Variants in SST observed in about 807,000 individuals in gnomAD.
The protein encoded by SST is growth hormone release-inhibiting factor.
Under a neutral mutation model 10.4 loss-of-function variants are expected in SST, and 7 were observed. That is an observed-to-expected ratio of 0.67 (90% CI 0.38 to 1.26). SST has a LOEUF of 1.26. Ranked by LOEUF, SST falls within the 50% of genes most tolerant of loss-of-function variation. The pLI is 0.02. For missense variants in SST, 145 were observed against 140.8 expected (o/e 1.03, Z -0.15); for synonymous variants, 63 against 63.9 (o/e 0.99, Z 0.07).
In SST at chr3:187,669,241, C is replaced by T. The variant is rs1158174810; in HGVS notation, c.175G>A (p.Glu59Lys). ...GCATCATTCTCCGTCTGGTTGGGTT[C>T]AGACAGCAGCTCTGCCAAGAAGTAC... ...AKYFLAELLS[E>K]PNQTENDALE... The change falls in exon 2 of 2, where the codon GAA becomes AAA. Residue 59 changes from glutamate to lysine, a missense_variant. Physicochemically the swap from Glu to Lys is moderately conservative, Grantham distance 56 (BLOSUM62 1). Coordinates refer to ENST00000287641, the MANE Select transcript of SST (RefSeq NM_001048.4). The T allele has an allele frequency of 6.2e-7, 1 of 1,613,618 alleles. No individual in the cohort carries two copies. Among genetic ancestry groups the T allele is most frequent in the Admixed American group, 1.7e-5 (1 of 59,964 alleles).
At position 187,669,270 on chromosome 3, in the gene SST, G is replaced by A. The variant is rs764814996; in HGVS notation, c.146C>T (p.Ala49Val). 1.9e-6 allele frequency: 3 copies of A among 1,613,594 alleles called. No individual in the cohort carries two copies. The highest frequency in any genetic ancestry group is 2.5e-6 in the Non-Finnish European group (3 of 1,179,988). Residue 49 changes from alanine to valine, a missense_variant, in exon 2 of 2, where the codon GCC becomes GTC. By Grantham distance (64) the Ala-to-Val change is moderately conservative. Coordinates refer to ENST00000287641, the MANE Select transcript of SST (RefSeq NM_001048.4). ...CAGCAGCTCTGCCAAGAAGTACTTG[G>A]CCAGTTCCTGTATAGGGCAGAAGGG... ...LAAAAGKQEL[A>V]KYFLAELLSE...
chr3:187,669,551 C>CAT (rs1298794267), intron 1 of SST, among the ~76,000 whole-genome samples: 13 of 132,016 alleles, frequency 9.8e-5, no homozygotes, highest in Admixed American at 6.7e-4. Flanking sequence ...CACACACACA[C>CAT]ACGCACAAAC....
chr3:187,670,031 G>A (rs1380008334), intron 1 of SST, 123 bp downstream of exon 1: 1 of 1,063,076 alleles, frequency 9.4e-7, no homozygotes, highest in Non-Finnish European at 1.3e-6. Context: ...GGAGCTGAGG[G>A]ACCCAGAAAA....
At chr3:187,669,344 A>G in intron 1 of SST, 67 bp from the exon 2 acceptor site, 3 of 1,484,362 alleles carry the variant, frequency 2.0e-6, no homozygotes, top group Non-Finnish European at 2.8e-6. Context: ...AAAAAATTTG[A>G]AAAGCCTAAA....
chr3:187,669,570 A>G (rs1270723537), intron 1 of SST, among the ~76,000 whole-genome samples: 1 of 151,528 alleles, frequency 6.6e-6, no homozygotes, highest in African/African-American at 2.4e-5. Context: ...ACACACACAC[A>G]CACACACACA....
chr3:187,670,342 C>T lies in SST; in HGVS notation c.-51G>A, dbSNP rs1717210786. The T allele has an allele frequency of 1.3e-6, 2 of 1,534,972 alleles. No homozygotes were observed. Among genetic ancestry groups the T allele is most frequent in the Non-Finnish European group, 1.8e-6 (2 of 1,137,930 alleles). On this transcript the variant is annotated 5_prime_UTR_variant, in exon 1 of 2. Transcript: ENST00000287641. ...AGAGTGGCTGGTCAAACTCTAGGCG[C>T]GGATCAGCAGGCAGCAGCGATGGCT...
chr3:187,669,529 A>AACACACAC lies in SST; in HGVS notation c.139-260_139-253dup, dbSNP rs57361717. ...GCAACCTTTCTGTCCCTGTAGACTT[A>AACACACAC]ACACACACACACACACACACACACG... On this transcript the variant is annotated intron_variant, in intron 1 of 1. Coordinates refer to ENST00000287641, the MANE Select transcript of SST (RefSeq NM_001048.4). Among the ~76,000 whole-genome samples the AACACACAC allele has an allele frequency of 1.6e-3, 231 of 147,340 alleles. 2 individuals are homozygous for AACACACAC. The highest frequency in any genetic ancestry group is 6.5e-3 in the South Asian group (30 of 4,612).
intron 1 of SST, 76 bp downstream of exon 1, chr3:187,670,078 C>G (rs1717200718): frequency 6.8e-7 from 1 of 1,475,612 alleles, no homozygotes; most frequent in South Asian, 1.3e-5. Context: ...GCATCCCTTA[C>G]GTCCAAACCA....
In SST at chr3:187,668,994, A is replaced by G. The variant is rs1717173132; in HGVS notation, c.*71T>C. 1.4e-6 allele frequency: 2 copies of G among 1,410,636 alleles called. No homozygotes were observed. The highest frequency in any genetic ancestry group is 1.7e-5 in the Admixed American group (1 of 59,392). The allele number at this position is 1,410,636 out of a possible 1,614,324, so 87.4% of individuals were successfully genotyped here. On this transcript the variant is annotated 3_prime_UTR_variant, in exon 2 of 2. Coordinates refer to ENST00000287641, the MANE Select transcript of SST (RefSeq NM_001048.4). The stretch of plus-strand genomic sequence containing the variant: ...AAGGGTCTCGCTGAAGACTTGGAGG[A>G]TTAGGGAAGAGAGATGGGGTGTGGG...
intron 1 of SST, 66 bp from the exon 2 acceptor site, chr3:187,669,343 GA>G: frequency 6.7e-7 from 1 of 1,490,064 alleles, no homozygotes; most frequent in Non-Finnish European, 9.2e-7. Context: ...GAAAAAATTT[GA>G]AAAGCCTAAA....
At chr3:187,669,734 G>C (rs371618606) in intron 1 of SST, among the ~76,000 whole-genome samples, 5 of 152,126 alleles carry the variant, frequency 3.3e-5, no homozygotes. Context: ...TACGGCGTTC[G>C]GTCTTTAGAT....
chr3:187,669,501 T>C (rs1717185160), intron 1 of SST, among the ~76,000 whole-genome samples: 1 of 151,798 alleles, frequency 6.6e-6, no homozygotes, highest in African/African-American at 2.4e-5. Context: ...CTCAAATGTT[T>C]CTGCAACCTT....
rs763562448 is a variant in SST at position 187,669,028 on chromosome 3, A to T, written c.*37T>A. On this transcript the variant is annotated 3_prime_UTR_variant, in exon 2 of 2. Coordinates refer to ENST00000287641, the MANE Select transcript of SST (RefSeq NM_001048.4). ...GAGAGATGGGGTGTGGGGGCGAGGG[A>T]TCAGAGGTCTGATATGGACAATACT... 6.2e-7 allele frequency: 1 copy of T among 1,602,936 alleles called. No individual in the cohort carries two copies. The highest frequency in any genetic ancestry group is 8.5e-7 in the Non-Finnish European group (1 of 1,170,148).
rs763961867 is a variant in SST at position 187,670,278 on chromosome 3, C to T, written c.14G>A (p.Arg5His). ...CAGCGCAGCCAGCGCGCACTGGAGG[C>T]GGCAGGACAGCATCTCGGCGCCGCG... MLSC[R>H]LQCALAALSI... The change falls in exon 1 of 2, where the codon CGC becomes CAC. Residue 5 changes from arginine to histidine, a missense_variant. Physicochemically the swap from Arg to His is conservative, Grantham distance 29 (BLOSUM62 0). Transcript: ENST00000287641. 2 of 1,588,078 alleles carry T rather than the reference C, an allele frequency of 1.3e-6. No homozygotes were observed. The highest frequency in any genetic ancestry group is 8.6e-7 in the Non-Finnish European group (1 of 1,167,136).
chr3:187,669,180 T>G lies in SST; in HGVS notation c.236A>C (p.Gln79Pro). 2 of 1,614,072 alleles carry G rather than the reference T, an allele frequency of 1.2e-6. No individual in the cohort carries two copies. The highest frequency in any genetic ancestry group is 8.5e-7 in the Non-Finnish European group (1 of 1,180,020). Reference sequence around the variant, plus strand: ...CTGCAGCTCAAGCCTCATTTCATCCTGCTCAGCAGCCTGGGACAGATCTTC... The same window carrying G: ...CTGCAGCTCAAGCCTCATTTCATCCGGCTCAGCAGCCTGGGACAGATCTTC... ...EPEDLSQAAE[Q>P]DEMRLELQRS... is the part of the protein sequence containing the mutation. The change falls in exon 2 of 2, where the codon CAG (glutamine) becomes CCG (proline). Residue 79 changes from glutamine (Q) to proline (P), a missense_variant. By Grantham distance (76) the Gln-to-Pro change is moderately conservative. Coordinates refer to ENST00000287641, the MANE Select transcript of SST (RefSeq NM_001048.4).
chr3:187,669,792 G>A (rs550665201), intron 1 of SST, among the ~76,000 whole-genome samples: 2 of 152,186 alleles, frequency 1.3e-5, no homozygotes, highest in Non-Finnish European at 2.9e-5. Context: ...TACGCTAAGA[G>A]GTAGCAGCTT....
Position 187,669,356 on chromosome 3 carries a change from T to A in SST, c.139-79A>T. ...TGGAAAAAATTTGAAAAGCCTAAAT[T>A]AAAGAACAGATTTGGTCACACACAA... On this transcript the variant is annotated intron_variant, in intron 1 of 1. Coordinates refer to ENST00000287641, the MANE Select transcript of SST (RefSeq NM_001048.4). 2 of 1,393,010 alleles carry A rather than the reference T, an allele frequency of 1.4e-6. No homozygotes were observed. Among genetic ancestry groups the A allele is most frequent in the Non-Finnish European group, 2.0e-6 (2 of 1,001,426 alleles). The allele number at this position is 1,393,010 out of a possible 1,614,324, so 86.3% of individuals were successfully genotyped here. A position where few individuals can be genotyped will look rare whatever the true frequency, so the allele number is the denominator to read the frequency against.
chr3:187,668,960 TTCTAATGCAAGGGTCTCGCTGAAGAC>T lies in SST; in HGVS notation c.*79_*104del. ...TTATTTTGTATTTACAGTTTTCAGTTTCTAATGCAAGGGTCTCGCTGAAGACTTGGAGGATTAGGGAAGAGAGATGG... is the reference window on the plus strand; with the variant it reads ...TTATTTTGTATTTACAGTTTTCAGTTTTGGAGGATTAGGGAAGAGAGATGG... On this transcript the variant is annotated 3_prime_UTR_variant, in exon 2 of 2. Transcript: ENST00000287641. The T allele has an allele frequency of 9.6e-7, 1 of 1,038,722 alleles. No individual in the cohort carries two copies. Among genetic ancestry groups the T allele is most frequent in the East Asian group, 2.4e-5 (1 of 41,740 alleles). 64.3% of individuals were successfully genotyped at this position (1,038,722 alleles called of 1,614,324 possible).
Position 187,670,308 on chromosome 3 carries a change from C to T in SST, c.-17G>A, listed in dbSNP as rs778070296. 2.5e-6 allele frequency: 4 copies of T among 1,568,912 alleles called. No individual in the cohort carries two copies. Among genetic ancestry groups the T allele is most frequent in the Admixed American group, 1.9e-5 (1 of 53,600 alleles). On this transcript the variant is annotated 5_prime_UTR_variant, in exon 1 of 2. Coordinates refer to ENST00000287641, the MANE Select transcript of SST (RefSeq NM_001048.4). ...GGACAGCATCTCGGCGCCGCGAAAG[C>T]CGAGCTGGAGAGTGGCTGGTCAAAC... is the stretch of plus-strand genomic sequence containing the variant.
Sources: allele counts gnomAD v4.1 joint callset (sites outside exome capture counted in the v4.1 genomes callset), GRCh38; gene constraint gnomAD v4.1.1; transcripts MANE v1.5; gene names NCBI Gene and HGNC (gene_info 2026-07-23, HGNC 2026-07-21).